The following FOXO3 variants were observed in gnomAD, a reference collection of about 807,000 sequenced individuals.
The protein encoded by FOXO3 is forkhead box protein O3.
In FOXO3, 4 loss-of-function variants were observed where a neutral mutation model predicts 41.9. The observed-to-expected ratio is 0.10, with a 90% CI of 0.05 to 0.22. FOXO3 has a LOEUF of 0.22. Among genes scored for constraint, FOXO3 ranks in the 10% least tolerant of loss-of-function variants. The pLI is 1.00. For missense variants in FOXO3, 534 were observed against 906.8 expected (o/e 0.59, Z 5.28); for synonymous variants, 318 against 389.3 (o/e 0.82, Z 2.16).
intron 1 of FOXO3, among the ~76,000 whole-genome samples, chr6:108,580,307 G>A (rs1776378427): frequency 6.8e-6 from 1 of 147,010 alleles, no homozygotes; most frequent in African/African-American, 2.5e-5. Flanking sequence ...ACTTGCCTCA[G>A]GCTCCCAAGT....
At chr6:108,591,533 TA>T (rs1203451183) in intron 1 of FOXO3, among the ~76,000 whole-genome samples, 2 of 152,216 alleles carry the variant, frequency 1.3e-5, no homozygotes, top group Non-Finnish European at 2.9e-5. Flanking sequence ...GAACCCAAAT[TA>T]AACTGAAGTC....
At chr6:108,565,505 C>A (rs1056955841) in intron 1 of FOXO3, among the ~76,000 whole-genome samples, 1 of 152,218 alleles carries the variant, frequency 6.6e-6, no homozygotes. Context: ...TAAGGCCTAT[C>A]TATCACTTAT....
chr6:108,610,575 G>A (rs1245780952), intron 1 of FOXO3, among the ~76,000 whole-genome samples: 1 of 152,164 alleles, frequency 6.6e-6, no homozygotes, highest in Non-Finnish European at 1.5e-5. Context: ...ATACTCTGTT[G>A]TCTTTGCAAG....
chr6:108,650,074 A>G (rs1332242516), intron 1 of FOXO3, among the ~76,000 whole-genome samples: 1 of 152,242 alleles, frequency 6.6e-6, no homozygotes, highest in East Asian at 1.9e-4. Flanking sequence ...TGGAAATTTC[A>G]GGAGGACCAA....
chr6:108,575,545 C>T (rs192748307), intron 1 of FOXO3, among the ~76,000 whole-genome samples: 50 of 152,266 alleles, frequency 3.3e-4, no homozygotes, highest in Admixed American at 2.6e-4. Flanking sequence ...AAAAGCGTTG[C>T]GATGGGTCTT....
intron 1 of FOXO3, among the ~76,000 whole-genome samples, chr6:108,614,767 T>C (rs959188542): frequency 6.6e-6 from 1 of 152,022 alleles, no homozygotes; most frequent in Non-Finnish European, 1.5e-5. Context: ...TTGTTTAATG[T>C]AATTATATTT....
In FOXO3 at chr6:108,564,140, G is replaced by A. The variant is rs551893271; in HGVS notation, c.621+2311G>A. 2.0e-4 allele frequency among the ~76,000 whole-genome samples: 31 copies of A among 152,214 alleles called. 1 individual carries two copies. The highest frequency in any genetic ancestry group is 1.9e-3 in the South Asian group (9 of 4,830). ...TGTCACATGACAACTAATCCTTGAC[G>A]ACTAAAGGGATATAATTTTGTTAGA... On this transcript the variant is annotated intron_variant, in intron 1 of 2. Coordinates refer to ENST00000406360, the MANE Select transcript of FOXO3 (RefSeq NM_001455.4).
chr6:108,593,407 A>G (rs1023622360), intron 1 of FOXO3, among the ~76,000 whole-genome samples: 13 of 149,658 alleles, frequency 8.7e-5, no homozygotes, highest in African/African-American at 3.2e-4. Flanking sequence ...TTTTTTTGAG[A>G]TGGAGTCTCG....
At chr6:108,644,000 C>T (rs1187207109) in intron 1 of FOXO3, among the ~76,000 whole-genome samples, 1 of 152,176 alleles carries the variant, frequency 6.6e-6, no homozygotes, top group Non-Finnish European at 1.5e-5. Context: ...CCAGTGTAGT[C>T]GTAGAGCCTG....
At chr6:108,630,621 G>T (rs1271459141) in intron 1 of FOXO3, among the ~76,000 whole-genome samples, 1 of 152,142 alleles carries the variant, frequency 6.6e-6, no homozygotes, top group African/African-American at 2.4e-5. Context: ...ACTTTCTTGT[G>T]ATCTTGTGAG....
In FOXO3 at chr6:108,594,618, G is replaced by A. The variant is rs557308557; in HGVS notation, c.621+32789G>A. On this transcript the variant is annotated intron_variant, in intron 1 of 2. Transcript: ENST00000406360. ...TTGGGCCATGTTGTTTTGTTTTGCT[G>A]CTTTTTGAACTCTAAAAATATAGGT... Among the ~76,000 whole-genome samples the A allele has an allele frequency of 2.6e-5, 4 of 152,240 alleles. No individual in the cohort carries two copies. The South Asian group carries it at 8.3e-4, about 32-fold the overall frequency.
At chr6:108,622,077 T>G (rs1030726538) in intron 1 of FOXO3, among the ~76,000 whole-genome samples, 4 of 151,728 alleles carry the variant, frequency 2.6e-5, no homozygotes, top group Non-Finnish European at 5.9e-5. Context: ...GCCAATATGA[T>G]GAAAGCCCAT....
At chr6:108,675,269 G>A (rs1027030357) in intron 2 of FOXO3, among the ~76,000 whole-genome samples, 3 of 152,186 alleles carry the variant, frequency 2.0e-5, no homozygotes, top group African/African-American at 7.2e-5. Context: ...GTATGAGGAT[G>A]GCTACCTCTC....
chr6:108,578,889 G>T (rs372601665), intron 1 of FOXO3, among the ~76,000 whole-genome samples: 1 of 152,130 alleles, frequency 6.6e-6, no homozygotes, highest in African/African-American at 2.4e-5. Context: ...CCTAAAAGGC[G>T]CACGACCTCT....
chr6:108,572,727 A>G (rs1470497196), intron 1 of FOXO3, among the ~76,000 whole-genome samples: 2 of 148,682 alleles, frequency 1.3e-5, no homozygotes, highest in Non-Finnish European at 2.9e-5. Context: ...ATTTATACTA[A>G]TAATGACAAT....
chr6:108,593,750 C>T (rs1168272835), intron 1 of FOXO3, among the ~76,000 whole-genome samples: 2 of 132,682 alleles, frequency 1.5e-5, no homozygotes, highest in Admixed American at 8.1e-5. Flanking sequence ...GTAGTCTCGC[C>T]CTGTCACCCA....
Position 108,639,968 on chromosome 6 carries a change from A to C in FOXO3, c.622-23487A>C, listed in dbSNP as rs111282620. 2.9e-3 allele frequency among the ~76,000 whole-genome samples: 448 copies of C among 152,356 alleles called. 1 individual carries two copies. The highest frequency in any genetic ancestry group is 8.3e-3 in the South Asian group (40 of 4,828). On this transcript the variant is annotated intron_variant, in intron 1 of 2. Transcript: ENST00000406360. ...CCTTGGAGGGGCAGAATCTAACAGAAAACCATACACCTGTGAGACAGAGAC... is the reference window on the plus strand; with the variant it reads ...CCTTGGAGGGGCAGAATCTAACAGACAACCATACACCTGTGAGACAGAGAC...
At chr6:108,564,490 C>T (rs1205794803) in intron 1 of FOXO3, among the ~76,000 whole-genome samples, 3 of 152,196 alleles carry the variant, frequency 2.0e-5, no homozygotes, top group Non-Finnish European at 4.4e-5. Context: ...CCAAAAATGT[C>T]TAGAATTCAG....
At chr6:108,668,792 G>A (rs188547652) in intron 2 of FOXO3, among the ~76,000 whole-genome samples, 1 of 152,258 alleles carries the variant, frequency 6.6e-6, no homozygotes, top group Admixed American at 6.5e-5. Context: ...GTCAAAAGAA[G>A]ACAGCCTCAT....
Sources: allele counts gnomAD v4.1 joint callset (sites outside exome capture counted in the v4.1 genomes callset), GRCh38; gene constraint gnomAD v4.1.1; transcripts MANE v1.5; gene names NCBI Gene and HGNC (gene_info 2026-07-23, HGNC 2026-07-21).